CCNY: variants seen among roughly 807,000 people sequenced by gnomAD.
The protein encoded by CCNY is cyclin Y.
In CCNY, 19 loss-of-function variants were observed where a neutral mutation model predicts 42.8. The ratio of observed to expected loss-of-function variants is 0.44; its 90% confidence interval spans 0.31 to 0.65. The LOEUF is 0.65. Ranked by LOEUF, CCNY falls within the 30% of genes least tolerant of loss-of-function variation. The pLI is 0.07. For synonymous variants in CCNY, 165 were observed against 162.7 expected (o/e 1.01, Z -0.11); for missense variants, 370 against 437.3 (o/e 0.85, Z 1.37).
chr10:35,371,696 G>A (rs920322024), intron 1 of CCNY, among the ~76,000 whole-genome samples: 1 of 152,184 alleles, frequency 6.6e-6, no homozygotes, highest in African/African-American at 2.4e-5. Context: ...GGAAGCTGGG[G>A]CACAGGGTGG....
At chr10:35,500,151 G>A (rs1444730667) in intron 2 of CCNY, among the ~76,000 whole-genome samples, 3 of 152,262 alleles carry the variant, frequency 2.0e-5, no homozygotes, top group African/African-American at 7.2e-5. Context: ...TGCATGGCCA[G>A]GGTGCCCTGT....
intron 1 of CCNY, among the ~76,000 whole-genome samples, chr10:35,449,404 C>T (rs1231095549): frequency 6.6e-6 from 1 of 151,964 alleles, no homozygotes; most frequent in Admixed American, 6.6e-5. Flanking sequence ...TTAGCAGTGG[C>T]CTTGGTAAGA....
intron 1 of CCNY, among the ~76,000 whole-genome samples, chr10:35,399,043 A>G (rs1468878937): frequency 1.3e-5 from 2 of 152,200 alleles, no homozygotes; most frequent in African/African-American, 4.8e-5. Context: ...GCAGAAATGC[A>G]TTTTAAGTTC....
At chr10:35,320,768 G>C (rs188395142) in intron 3 of CCNY, 1 of 152,038 alleles carries the variant, frequency 6.6e-6, no homozygotes, top group African/African-American at 2.4e-5. Context: ...CTTTAGCATA[G>C]GTTAATGCAA....
At chr10:35,484,341 C>T (rs1839739313) in intron 2 of CCNY, among the ~76,000 whole-genome samples, 1 of 152,180 alleles carries the variant, frequency 6.6e-6, no homozygotes, top group Non-Finnish European at 1.5e-5. Flanking sequence ...GAATTGATAA[C>T]ACTTCAGTAA....
intron 3 of CCNY, among the ~76,000 whole-genome samples, chr10:35,265,297 G>A (rs2095724085): frequency 6.6e-6 from 1 of 152,184 alleles, no homozygotes; most frequent in South Asian, 2.1e-4. Context: ...GGCATCTTAC[G>A]TACTAATCTC....
intron 3 of CCNY, among the ~76,000 whole-genome samples, chr10:35,254,696 A>G (rs971689248): frequency 6.6e-6 from 1 of 151,810 alleles, no homozygotes; most frequent in African/African-American, 2.4e-5. Flanking sequence ...GACATGGTGG[A>G]CTGAGCCTGT....
intron 1 of CCNY, among the ~76,000 whole-genome samples, chr10:35,360,592 C>T (rs905361093): frequency 6.6e-6 from 1 of 151,736 alleles, no homozygotes; most frequent in African/African-American, 2.4e-5. Flanking sequence ...TAAATTTTAT[C>T]TTTTAAAAGT....
chr10:35,566,077 T>C lies in CCNY; in HGVS notation c.801T>C (p.Pro267=). The change falls in exon 9 of 10, where the codon CCT becomes CCC. Residue 267 remains proline (P), a synonymous_variant. Transcript: ENST00000374704. ...TGCTGCAGTTCAACATCAATGTTCC[T>C]TCCAGTGTCTATGCCAAGTATTATT... ...LELLQFNINV[P]SSVYAKYYFD... 1 of 1,614,230 alleles carries C rather than the reference T, an allele frequency of 6.2e-7. No homozygotes were observed. Among genetic ancestry groups the C allele is most frequent in the Non-Finnish European group, 8.5e-7 (1 of 1,180,036 alleles).
At chr10:35,414,386 C>G (rs1194572162) in intron 1 of CCNY, among the ~76,000 whole-genome samples, 2 of 152,224 alleles carry the variant, frequency 1.3e-5, no homozygotes, top group East Asian at 1.9e-4. Context: ...GGAGGCTGCC[C>G]CACGTTCCGT....
chr10:35,312,247 G>T (rs1042309772), intron 3 of CCNY, among the ~76,000 whole-genome samples: 1 of 151,502 alleles, frequency 6.6e-6, no homozygotes, highest in South Asian at 2.1e-4. Context: ...CGGGTGTGGT[G>T]GTGGGCACCT....
intron 2 of CCNY, among the ~76,000 whole-genome samples, chr10:35,486,697 C>T (rs908837675): frequency 2.0e-5 from 3 of 152,218 alleles, no homozygotes; most frequent in African/African-American, 4.8e-5. Flanking sequence ...CATCGTGATC[C>T]AGCCTCTGCC....
chr10:35,532,055 T>C (rs1437131843), intron 7 of CCNY, among the ~76,000 whole-genome samples: 1 of 152,244 alleles, frequency 6.6e-6, no homozygotes, highest in African/African-American at 2.4e-5. Context: ...CCAGTTTGTA[T>C]GGGGGTCTTG....
chr10:35,343,058 A>G (rs530724295), intron 1 of CCNY, among the ~76,000 whole-genome samples: 30 of 140,408 alleles, frequency 2.1e-4, no homozygotes, highest in Non-Finnish European at 3.3e-4. Flanking sequence ...GCTGGAGTGC[A>G]GTGGCGCGAT....
chr10:35,413,773 A>T (rs574940374), intron 1 of CCNY, among the ~76,000 whole-genome samples: 1 of 152,338 alleles, frequency 6.6e-6, no homozygotes, highest in South Asian at 2.1e-4. Context: ...CTATGGGAAT[A>T]TCGGGAGTTG....
chr10:35,401,302 G>A (rs748585972), intron 1 of CCNY, among the ~76,000 whole-genome samples: 2 of 152,216 alleles, frequency 1.3e-5, no homozygotes, highest in African/African-American at 4.8e-5. Flanking sequence ...GAAGCTGCAG[G>A]TGTGCTCTTT....
chr10:35,436,428 C>T (rs1838534598), intron 1 of CCNY, among the ~76,000 whole-genome samples: 1 of 152,188 alleles, frequency 6.6e-6, no homozygotes, highest in Non-Finnish European at 1.5e-5. Context: ...TGGCTTTACC[C>T]TGCAGTTGGT....
intron 3 of CCNY, among the ~76,000 whole-genome samples, chr10:35,513,555 G>T (rs546792297): frequency 2.2e-4 from 33 of 152,080 alleles, no homozygotes; most frequent in Admixed American, 2.0e-3. Context: ...CCACACACTC[G>T]CCCTGCTCAA....
At chr10:35,454,309 G>C (rs907620444) in intron 1 of CCNY, among the ~76,000 whole-genome samples, 7 of 152,194 alleles carry the variant, frequency 4.6e-5, no homozygotes, top group Non-Finnish European at 8.8e-5. Flanking sequence ...CCTGGAAGAC[G>C]CAAAGGCATC....
Sources: gnomAD v4.1 joint callset for allele counts (sites outside exome capture counted in the v4.1 genomes callset) on GRCh38, gnomAD v4.1.1 for gene constraint, MANE v1.5 for transcripts, NCBI Gene and HGNC (gene_info 2026-07-23, HGNC 2026-07-21) for gene names.